Variants in EPHB1 observed in about 807,000 individuals in gnomAD.
EPHB1 encodes the protein EPH receptor B1, also known as ephrin type-B receptor 1.
A neutral mutation model predicts 94.4 loss-of-function variants in EPHB1; 30 were observed. The ratio of observed to expected loss-of-function variants is 0.32; its 90% CI spans 0.24 to 0.43. The LOEUF is 0.43. EPHB1 is among the 20% of genes least tolerant of loss of function. The pLI, the probability that EPHB1 is intolerant of heterozygous loss-of-function variation, is 1.00. For missense variants in EPHB1, 1,055 were observed against 1,308.3 expected (o/e 0.81, Z 2.99); for synonymous variants, 522 against 489.1 (o/e 1.07, Z -0.89).
chr3:135,058,100 C>T (rs765684005), intron 3 of EPHB1, among the ~76,000 whole-genome samples: 1 of 152,128 alleles, frequency 6.6e-6, no homozygotes, highest in Non-Finnish European at 1.5e-5. Context: ...AGGTGGACTG[C>T]GGACAGATAC....
chr3:134,947,724 G>A (rs999346639), intron 2 of EPHB1, among the ~76,000 whole-genome samples: 5 of 152,204 alleles, frequency 3.3e-5, no homozygotes, highest in African/African-American at 1.2e-4. Context: ...ATACCAATCA[G>A]TGTCATTTTC....
intron 3 of EPHB1, among the ~76,000 whole-genome samples, chr3:134,963,627 T>C (rs949235141): frequency 3.3e-5 from 5 of 152,196 alleles, no homozygotes; most frequent in African/African-American, 1.2e-4. Flanking sequence ...ATTAGCCTCA[T>C]TTTTCCATTG....
rs531196367 is a variant in EPHB1, at chr3:135,135,809, G to A, written c.1297+2760G>A. Among the ~76,000 whole-genome samples, 9 of 152,314 alleles carry A rather than the reference G, an allele frequency of 5.9e-5. No individual in the cohort carries two copies. The South Asian group carries it at 1.2e-3, about 21-fold the overall frequency. ...AAGTCAACCTGTGTTTATTGAATGC[G>A]TACTCTATGTCTGGAACTGCCCAAA... On this transcript the variant is annotated intron_variant, in intron 5 of 15. Coordinates refer to ENST00000398015, the MANE Select transcript of EPHB1 (RefSeq NM_004441.5).
chr3:135,198,115 A>C (rs981184253), intron 11 of EPHB1, among the ~76,000 whole-genome samples: 1 of 152,216 alleles, frequency 6.6e-6, no homozygotes, highest in Admixed American at 6.5e-5. Flanking sequence ...TAAGAGTAGC[A>C]TCACTAATCC....
chr3:135,133,856 C>T (rs2107687875), intron 5 of EPHB1, among the ~76,000 whole-genome samples: 1 of 152,300 alleles, frequency 6.6e-6, no homozygotes, highest in East Asian at 1.9e-4. Flanking sequence ...CGTTCATGCA[C>T]TTATTTATTC....
chr3:134,913,642 C>G (rs1428289554), intron 1 of EPHB1, among the ~76,000 whole-genome samples: 1 of 152,206 alleles, frequency 6.6e-6, no homozygotes, highest in Non-Finnish European at 1.5e-5. Context: ...CAACCAGTAC[C>G]AGGGCTGGAG....
chr3:135,121,630 T>G (rs1939965353), intron 4 of EPHB1, among the ~76,000 whole-genome samples: 1 of 152,070 alleles, frequency 6.6e-6, no homozygotes, highest in African/African-American at 2.4e-5. Flanking sequence ...GCTCTGGGGA[T>G]TCTTCCTCTG....
At chr3:134,798,690 C>G (rs543957639) in intron 1 of EPHB1, among the ~76,000 whole-genome samples, 14 of 152,196 alleles carry the variant, frequency 9.2e-5, no homozygotes, top group Admixed American at 1.3e-4. Flanking sequence ...TCAAGCCCAC[C>G]GGTGCCTTTT....
intron 3 of EPHB1, among the ~76,000 whole-genome samples, chr3:135,030,137 C>G (rs965291832): frequency 1.1e-4 from 17 of 151,736 alleles, no homozygotes; most frequent in African/African-American, 4.1e-4. Context: ...AAATTTTTTT[C>G]AAAGTTTTCA....
intron 1 of EPHB1, among the ~76,000 whole-genome samples, chr3:134,916,378 C>T (rs567869694): frequency 1.3e-5 from 2 of 152,326 alleles, no homozygotes; most frequent in East Asian, 1.9e-4. Flanking sequence ...CTTGGGCGGT[C>T]GATGGGACCG....
At chr3:134,923,736 TC>T (rs1454919141) in intron 1 of EPHB1, among the ~76,000 whole-genome samples, 1 of 152,202 alleles carries the variant, frequency 6.6e-6, no homozygotes, top group Non-Finnish European at 1.5e-5. Context: ...GATGGGTTTC[TC>T]CCCAAACCTT....
At chr3:135,145,098 G>A (rs1940966819) in intron 5 of EPHB1, among the ~76,000 whole-genome samples, 1 of 152,192 alleles carries the variant, frequency 6.6e-6, no homozygotes, top group South Asian at 2.1e-4. Context: ...GTCTTCTAAT[G>A]TAAAATTCAA....
At chr3:135,171,040 G>A (rs767447357) in intron 9 of EPHB1, among the ~76,000 whole-genome samples, 1 of 152,186 alleles carries the variant, frequency 6.6e-6, no homozygotes, top group Non-Finnish European at 1.5e-5. Flanking sequence ...AGAGGGCAGA[G>A]CACAGAGATT....
chr3:135,211,283 C>A (rs1216484413), intron 12 of EPHB1, among the ~76,000 whole-genome samples: 1 of 152,032 alleles, frequency 6.6e-6, no homozygotes, highest in Non-Finnish European at 1.5e-5. Flanking sequence ...ATTTATAGTC[C>A]CAAAGACAAT....
intron 1 of EPHB1, among the ~76,000 whole-genome samples, chr3:134,871,207 A>T (rs2108307611): frequency 6.6e-6 from 1 of 152,338 alleles, no homozygotes; most frequent in East Asian, 1.9e-4. Flanking sequence ...CAGTCCAGTA[A>T]TGATTACAGC....
chr3:135,088,992 G>A (rs1379601553), intron 3 of EPHB1, among the ~76,000 whole-genome samples: 1 of 152,034 alleles, frequency 6.6e-6, no homozygotes, highest in African/African-American at 2.4e-5. Context: ...TATGAGACAG[G>A]GACTAATTTT....
intron 3 of EPHB1, among the ~76,000 whole-genome samples, chr3:135,054,822 C>A (rs1297641994): frequency 1.3e-5 from 2 of 152,184 alleles, no homozygotes; most frequent in Non-Finnish European, 2.9e-5. Context: ...TTATCCCTTT[C>A]CTTTCTATGT....
chr3:134,971,398 C>T (rs1356705131), intron 3 of EPHB1, among the ~76,000 whole-genome samples: 1 of 152,202 alleles, frequency 6.6e-6, no homozygotes, highest in African/African-American at 2.4e-5. Flanking sequence ...CGATGCGTGA[C>T]ATTCAGTCTC....
intron 1 of EPHB1, among the ~76,000 whole-genome samples, chr3:134,839,757 C>G (rs1401308602): frequency 6.6e-6 from 1 of 152,144 alleles, no homozygotes; most frequent in Non-Finnish European, 1.5e-5. Flanking sequence ...TTCCAGGTCC[C>G]CTATTAGGAA....
Sources: gnomAD v4.1 joint callset for allele counts (sites outside exome capture counted in the v4.1 genomes callset) on GRCh38, gnomAD v4.1.1 for gene constraint, MANE v1.5 for transcripts, NCBI Gene and HGNC (gene_info 2026-07-23, HGNC 2026-07-21) for gene names.